AFG2A: variants seen among roughly 807,000 people sequenced by gnomAD.
AFG2A encodes the protein ATPase family gene 2 protein homolog A.
At chr4:122,985,300 C>T in the AFG2A span, among the ~76,000 whole-genome samples, 44 of 151,796 alleles carry the variant, frequency 2.9e-4, no homozygotes, top group South Asian at 6.7e-3. Context: ...TGGCTAATTT[C>T]GTATTTTTAG....
the AFG2A span, among the ~76,000 whole-genome samples, chr4:123,171,364 A>G: frequency 2.0e-4 from 30 of 152,310 alleles, no homozygotes; most frequent in Middle Eastern, 3.4e-3. Flanking sequence ...GTAATGGCCA[A>G]CTAAGGAAAC....
the AFG2A span, among the ~76,000 whole-genome samples, chr4:123,084,993 G>A: frequency 6.6e-6 from 1 of 150,834 alleles, no homozygotes; most frequent in Non-Finnish European, 1.5e-5. Flanking sequence ...CAAGTGTGTT[G>A]TTCAGTCTTT....
chr4:123,032,576 C>A, the AFG2A span, among the ~76,000 whole-genome samples: 1 of 152,126 alleles, frequency 6.6e-6, no homozygotes, highest in African/African-American at 2.4e-5. Flanking sequence ...CGACTATGCC[C>A]GACTAATTTT....
chr4:123,002,957 T>A, the AFG2A span, among the ~76,000 whole-genome samples: 1 of 152,200 alleles, frequency 6.6e-6, no homozygotes. Context: ...AGATGCAGAT[T>A]TGGTCTTTTC....
At chr4:122,962,079 A>G in the AFG2A span, among the ~76,000 whole-genome samples, 8 of 152,216 alleles carry the variant, frequency 5.3e-5, no homozygotes, top group East Asian at 5.8e-4. Context: ...CAGACAACCT[A>G]TTTCCCTCAC....
At chr4:123,125,382 T>C in the AFG2A span, among the ~76,000 whole-genome samples, 1 of 152,340 alleles carries the variant, frequency 6.6e-6, no homozygotes, top group African/African-American at 2.4e-5. Flanking sequence ...TAACAAGACA[T>C]AACTTGGCTC....
chr4:123,303,711 T>C, the AFG2A span, among the ~76,000 whole-genome samples: 1 of 152,022 alleles, frequency 6.6e-6, no homozygotes, highest in African/African-American at 2.4e-5. Context: ...CAGTGACCCA[T>C]GTTCAAACTA....
At chr4:123,306,373 C>G in the AFG2A span, among the ~76,000 whole-genome samples, 1 of 152,064 alleles carries the variant, frequency 6.6e-6, no homozygotes, top group African/African-American at 2.4e-5. Context: ...ATGTTGGCAC[C>G]AAATAAATTA....
chr4:123,168,690 C>T, the AFG2A span, among the ~76,000 whole-genome samples: 1,703 of 152,134 alleles, frequency 0.011, 33 homozygotes, highest in African/African-American at 0.039. Flanking sequence ...AGCATTTTAT[C>T]CTTTTGTAAG....
At chr4:123,147,374 G>A in the AFG2A span, among the ~76,000 whole-genome samples, 1 of 152,042 alleles carries the variant, frequency 6.6e-6, no homozygotes, top group Non-Finnish European at 1.5e-5. Flanking sequence ...TATTACGTTT[G>A]AGAGAATAGA....
At chr4:123,258,278 T>C in the AFG2A span, among the ~76,000 whole-genome samples, 1 of 152,190 alleles carries the variant, frequency 6.6e-6, no homozygotes, top group Non-Finnish European at 1.5e-5. Context: ...TCTGAATAGG[T>C]AGGCAGTTCA....
the AFG2A span, among the ~76,000 whole-genome samples, chr4:123,238,357 C>T: frequency 2.4e-4 from 36 of 152,316 alleles, no homozygotes; most frequent in Middle Eastern, 3.4e-3. Context: ...GCTCTGAGAA[C>T]GGACAGACTG....
the AFG2A span, among the ~76,000 whole-genome samples, chr4:123,229,951 T>C: frequency 3.3e-5 from 5 of 152,064 alleles, no homozygotes; most frequent in African/African-American, 1.2e-4. Flanking sequence ...AAGAATTATG[T>C]CTAAAAAAAC....
At chr4:123,163,043 C>G in the AFG2A span, among the ~76,000 whole-genome samples, 3 of 152,198 alleles carry the variant, frequency 2.0e-5, no homozygotes, top group Non-Finnish European at 4.4e-5. Context: ...ACTTTGGAAT[C>G]AGACTGACCT....
the AFG2A span, among the ~76,000 whole-genome samples, chr4:123,120,914 A>G: frequency 6.6e-6 from 1 of 152,176 alleles, no homozygotes; most frequent in South Asian, 2.1e-4. Flanking sequence ...ACTGTAAAAC[A>G]GCCTCAGGCA....
At chr4:123,216,664 C>CT in the AFG2A span, among the ~76,000 whole-genome samples, 106,447 of 142,972 alleles carry the variant, frequency 0.74, 40,029 homozygotes, top group Non-Finnish European at 0.81. Context: ...ATTATTTTTA[C>CT]TTTTTTTTTT....
chr4:122,943,122 G>A, the AFG2A span, among the ~76,000 whole-genome samples: 1 of 152,178 alleles, frequency 6.6e-6, no homozygotes, highest in Non-Finnish European at 1.5e-5. Context: ...TTGATCTGGG[G>A]TGGAGAGTTG....
At chr4:123,158,769 A>G in the AFG2A span, among the ~76,000 whole-genome samples, 6 of 152,356 alleles carry the variant, frequency 3.9e-5, no homozygotes, top group East Asian at 1.2e-3. Flanking sequence ...GAAGTCAGCA[A>G]GAAAGGGAAA....
the AFG2A span, among the ~76,000 whole-genome samples, chr4:123,160,040 T>C: frequency 6.6e-6 from 1 of 151,894 alleles, no homozygotes; most frequent in Non-Finnish European, 1.5e-5. Flanking sequence ...GTTGTTGTTG[T>C]TGTTCAGAGA....
Sources: allele counts gnomAD v4.1 joint callset (sites outside exome capture counted in the v4.1 genomes callset), GRCh38; gene constraint gnomAD v4.1.1; transcripts MANE v1.5; gene names NCBI Gene and HGNC (gene_info 2026-07-23, HGNC 2026-07-21).